The following GSS variants were observed in gnomAD, a reference collection of about 807,000 sequenced individuals.
GSS encodes the protein glutathione synthetase.
GSS carries 34 observed loss-of-function variants against 60.4 expected under a neutral mutation model. That is an observed-to-expected ratio of 0.56 (90% CI 0.43 to 0.75). GSS has a LOEUF of 0.75. GSS is among the 30% of genes least tolerant of loss of function. The pLI is 0.00. For missense variants in GSS, 499 were observed against 595.1 expected, an observed-to-expected ratio of 0.84 and a Z score of 1.68; for synonymous variants, 224 against 239.0, an observed-to-expected ratio of 0.94 and a Z score of 0.58.
intron 12 of GSS, 23 bp from the exon 13 acceptor site, chr20:34,928,974 C>CA: frequency 1.2e-6 from 2 of 1,612,452 alleles, no homozygotes; most frequent in Non-Finnish European, 1.7e-6. Flanking sequence ...AGGCAGGGGA[C>CA]ACACATCACC....
At chr20:34,951,673 G>A in intron 2 of GSS, 51 bp downstream of exon 2, 1 of 1,569,910 alleles carries the variant, frequency 6.4e-7, no homozygotes, top group East Asian at 2.3e-5. Context: ...GCCTGGCCGG[G>A]GCCAGACAGT....
At chr20:34,948,337 A>G (rs1256520710) in intron 2 of GSS, among the ~76,000 whole-genome samples, 4 of 152,164 alleles carry the variant, frequency 2.6e-5, no homozygotes, top group Non-Finnish European at 1.5e-5. Flanking sequence ...TCAAAAACTC[A>G]GAGTTTTTCT....
chr20:34,947,814 G>A (rs899998810), intron 2 of GSS, among the ~76,000 whole-genome samples: 2 of 151,412 alleles, frequency 1.3e-5, no homozygotes, highest in Non-Finnish European at 2.9e-5. Flanking sequence ...GGGTATCCTA[G>A]AATATACATT....
At chr20:34,945,437 C>G (rs1054162639) in intron 3 of GSS, among the ~76,000 whole-genome samples, 6 of 150,676 alleles carry the variant, frequency 4.0e-5, no homozygotes, top group Admixed American at 4.0e-4. Flanking sequence ...TGGGCTGAAC[C>G]ATTTCAGAGG....
intron 3 of GSS, 58 bp from the exon 4 acceptor site, chr20:34,943,064 G>T: frequency 8.7e-7 from 1 of 1,145,294 alleles, no homozygotes; most frequent in Non-Finnish European, 1.3e-6. Context: ...ATTTCAAGGA[G>T]TCCCATCCTC....
intron 9 of GSS, among the ~76,000 whole-genome samples, chr20:34,935,066 T>C (rs6119545): frequency 0.54 from 82,352 of 152,014 alleles, 23,043 homozygotes; most frequent in South Asian, 0.73. Flanking sequence ...TTTCTCCATC[T>C]GTATAATGGG....
At chr20:34,933,893 T>G (rs974051655) in intron 9 of GSS, 2 of 152,184 alleles carry the variant, frequency 1.3e-5, no homozygotes, top group Admixed American at 6.6e-5. Flanking sequence ...AATGTCTACC[T>G]CTTGGCCAGG....
chr20:34,946,932 C>A (rs2081527394), intron 2 of GSS, among the ~76,000 whole-genome samples: 1 of 152,188 alleles, frequency 6.6e-6, no homozygotes, highest in Non-Finnish European at 1.5e-5. Flanking sequence ...TCCCTGCCAA[C>A]AACTGAACTA....
chr20:34,931,923 C>G lies in GSS; in HGVS notation c.1029+16G>C. 6 of 1,611,942 alleles carry G rather than the reference C, an allele frequency of 3.7e-6. No homozygotes were observed. Among genetic ancestry groups the G allele is most frequent in the Non-Finnish European group, 5.1e-6 (6 of 1,178,718 alleles). On this transcript the variant is annotated intron_variant, in intron 10 of 12. Transcript: ENST00000651619. The stretch of plus-strand genomic sequence containing the variant: ...CCTAGGAGGCCTGTGGTAGGAGAAA[C>G]AGGCTGCCCACGTACCACATCCAGT...
chr20:34,937,036 C>A lies in GSS; in HGVS notation c.609-13G>T. ...TAGCACCAGAGCACTGGGGAAAGAG[C>A]ACAGGTGGCCCGAGGCTACTATAGA... On this transcript the variant is annotated splice_polypyrimidine_tract_variant and intron_variant, in intron 6 of 12. Transcript: ENST00000651619. 1.9e-6 allele frequency: 3 copies of A among 1,601,580 alleles called. No homozygotes were observed. In the South Asian group the frequency reaches 3.3e-5, roughly 18 times the overall value.
At chr20:34,952,212 G>A in intron 1 of GSS, 1 of 355,474 alleles carries the variant, frequency 2.8e-6, no homozygotes, top group Non-Finnish European at 5.5e-6. Flanking sequence ...CCAGCCTAAA[G>A]GCTCTTCATT....
At chr20:34,942,158 G>A (rs931338408) in intron 5 of GSS, among the ~76,000 whole-genome samples, 1 of 152,074 alleles carries the variant, frequency 6.6e-6, no homozygotes, top group East Asian at 1.9e-4. Context: ...TTGCAACCTG[G>A]AGCATCACTG....
In GSS at chr20:34,932,080, G is replaced by A. The variant is rs1166633595; in HGVS notation, c.888C>T (p.Asp296=). The part of the protein sequence containing the change: ...LERSHAAKCP[D]IATQLAGTKK... ...TAGTCCCAGCCAGCTGGGTGGCAAT[G>A]TCTGGGCACTTGGCAGCATGTGACC... The change falls in exon 10 of 13, where the codon GAC becomes GAT. Residue 296 remains aspartate (D), a synonymous_variant. Transcript: ENST00000651619. 4 of 1,614,042 alleles carry A rather than the reference G, an allele frequency of 2.5e-6. No homozygotes were observed. Among genetic ancestry groups the A allele is most frequent in the Non-Finnish European group, 3.4e-6 (4 of 1,179,974 alleles).
At chr20:34,948,500 T>C (rs2081540506) in intron 2 of GSS, among the ~76,000 whole-genome samples, 2 of 152,112 alleles carry the variant, frequency 1.3e-5, no homozygotes, top group African/African-American at 4.8e-5. Context: ...AAAATGACAT[T>C]ACTGGCCGGG....
intron 4 of GSS, 38 bp downstream of exon 4, chr20:34,942,893 G>C (rs1174623288): frequency 7.2e-7 from 1 of 1,379,598 alleles, no homozygotes. Flanking sequence ...AGATGGGAGG[G>C]ACAGGTTACA....
intron 3 of GSS, 27 bp downstream of exon 3, chr20:34,945,926 G>GC (rs201875380): frequency 2.8e-5 from 45 of 1,611,214 alleles, no homozygotes; most frequent in Middle Eastern, 1.7e-4. Flanking sequence ...GCAGCTCCTG[G>GC]CCCCCCAATG....
chr20:34,937,135 T>C, intron 6 of GSS, 112 bp from the exon 7 acceptor site: 1 of 752,094 alleles, frequency 1.3e-6, no homozygotes, highest in Non-Finnish European at 2.4e-6. Flanking sequence ...AGAACACCGC[T>C]TCCCTGAAAG....
At chr20:34,932,790 G>A (rs142057688) in intron 9 of GSS, among the ~76,000 whole-genome samples, 4 of 151,932 alleles carry the variant, frequency 2.6e-5, no homozygotes, top group Non-Finnish European at 4.4e-5. Context: ...ACACATACAC[G>A]CACACGCACA....
At chr20:34,943,428 A>G (rs1482699651) in intron 3 of GSS, among the ~76,000 whole-genome samples, 1 of 152,108 alleles carries the variant, frequency 6.6e-6, no homozygotes, top group Non-Finnish European at 1.5e-5. Flanking sequence ...TGGTTGACCT[A>G]ATACTAACTC....
Sources: allele counts gnomAD v4.1 joint callset (sites outside exome capture counted in the v4.1 genomes callset), GRCh38; gene constraint gnomAD v4.1.1; transcripts MANE v1.5; gene names NCBI Gene and HGNC (gene_info 2026-07-23, HGNC 2026-07-21).